The following HEMK2 variants were observed in gnomAD, a reference collection of about 807,000 sequenced individuals.
The protein encoded by HEMK2 is methyltransferase HEMK2.
At chr21:28,735,768 C>T in the HEMK2 span, among the ~76,000 whole-genome samples, 2 of 152,170 alleles carry the variant, frequency 1.3e-5, no homozygotes, top group South Asian at 2.1e-4. Context: ...GATAACCTCC[C>T]TATCTTATGC....
chr21:28,865,798 C>G, the HEMK2 span, among the ~76,000 whole-genome samples: 55 of 57,040 alleles, frequency 9.6e-4, 1 homozygote, highest in South Asian at 0.053. Flanking sequence ...ATTATCAATT[C>G]TAGGATGTAT....
At chr21:28,601,194 C>T in the HEMK2 span, among the ~76,000 whole-genome samples, 1 of 152,202 alleles carries the variant, frequency 6.6e-6, no homozygotes. Flanking sequence ...AAGAGGGATC[C>T]TGGTAAAACA....
chr21:28,587,128 T>C, the HEMK2 span, among the ~76,000 whole-genome samples: 1 of 149,928 alleles, frequency 6.7e-6, no homozygotes, highest in African/African-American at 2.4e-5. Context: ...TCCTATTTTA[T>C]AGTAACACAT....
At chr21:28,846,019 C>T in the HEMK2 span, among the ~76,000 whole-genome samples, 1 of 152,150 alleles carries the variant, frequency 6.6e-6, no homozygotes, top group Non-Finnish European at 1.5e-5. Flanking sequence ...CAGTGTTTAG[C>T]TCCCACTTAT....
the HEMK2 span, among the ~76,000 whole-genome samples, chr21:28,583,075 A>T: frequency 1.3e-5 from 2 of 152,246 alleles, no homozygotes; most frequent in South Asian, 4.1e-4. Flanking sequence ...GACTGAGTCA[A>T]AAGCTATTTC....
At chr21:28,839,004 T>C in the HEMK2 span, among the ~76,000 whole-genome samples, 3 of 72,920 alleles carry the variant, frequency 4.1e-5, no homozygotes, top group Admixed American at 4.7e-4. Context: ...TATATATACA[T>C]ATATATACAC....
chr21:28,816,579 G>A, the HEMK2 span, among the ~76,000 whole-genome samples: 1 of 152,162 alleles, frequency 6.6e-6, no homozygotes, highest in Admixed American at 6.5e-5. Flanking sequence ...TGCTTGGGAG[G>A]CTGAGACAGT....
the HEMK2 span, among the ~76,000 whole-genome samples, chr21:28,831,702 G>GGAAA: frequency 2.1e-5 from 2 of 94,102 alleles, no homozygotes; most frequent in Admixed American, 2.3e-4. Context: ...AAGGAAGGAA[G>GGAAA]GAAGGAAGGA....
At chr21:28,839,814 T>C in the HEMK2 span, among the ~76,000 whole-genome samples, 1 of 152,120 alleles carries the variant, frequency 6.6e-6, no homozygotes, top group Non-Finnish European at 1.5e-5. Flanking sequence ...ACAAATTCAA[T>C]GCAATCCCCA....
chr21:28,747,793 CT>C, the HEMK2 span, among the ~76,000 whole-genome samples: 51 of 152,350 alleles, frequency 3.3e-4, 2 homozygotes, highest in South Asian at 0.01. Flanking sequence ...CAACAAGGTG[CT>C]TTCAGAAGCA....
At chr21:28,666,471 G>A in the HEMK2 span, among the ~76,000 whole-genome samples, 1 of 152,114 alleles carries the variant, frequency 6.6e-6, no homozygotes, top group Admixed American at 6.5e-5. Context: ...TACACTTCTG[G>A]CAATGTGGTC....
At chr21:28,719,491 TCCTTTG>T in the HEMK2 span, among the ~76,000 whole-genome samples, 1 of 152,232 alleles carries the variant, frequency 6.6e-6, no homozygotes. Context: ...CCTTTGCTTT[TCCTTTG>T]CCTTTGCCAT....
chr21:28,807,764 C>G, the HEMK2 span, among the ~76,000 whole-genome samples: 99 of 152,296 alleles, frequency 6.5e-4, no homozygotes, highest in South Asian at 2.9e-3. Flanking sequence ...CATACCACAG[C>G]ATCTGCTATA....
At chr21:28,725,703 C>G in the HEMK2 span, among the ~76,000 whole-genome samples, 3,543 of 152,304 alleles carry the variant, frequency 0.023, 141 homozygotes, top group African/African-American at 0.082. Flanking sequence ...TTCTCAATCT[C>G]ATTTCAAGTC....
the HEMK2 span, among the ~76,000 whole-genome samples, chr21:28,805,944 T>C: frequency 4.4e-4 from 67 of 152,314 alleles, no homozygotes; most frequent in African/African-American, 1.6e-3. Context: ...AGCCAGTACA[T>C]AGTGTTTCCG....
the HEMK2 span, among the ~76,000 whole-genome samples, chr21:28,781,737 T>C: frequency 4.7e-4 from 72 of 152,322 alleles, no homozygotes; most frequent in African/African-American, 1.7e-3. Flanking sequence ...AGAGTTTATA[T>C]TGGGAGTCAT....
At chr21:28,765,669 G>A in the HEMK2 span, among the ~76,000 whole-genome samples, 2 of 151,928 alleles carry the variant, frequency 1.3e-5, no homozygotes, top group Non-Finnish European at 2.9e-5. Context: ...TGATAAGAGA[G>A]ACCCTGGTAA....
At chr21:28,705,080 T>C in the HEMK2 span, among the ~76,000 whole-genome samples, 2 of 152,174 alleles carry the variant, frequency 1.3e-5, no homozygotes, top group African/African-American at 4.8e-5. Flanking sequence ...GTGAAAGAAA[T>C]AGAAACTGCA....
the HEMK2 span, among the ~76,000 whole-genome samples, chr21:28,876,995 G>A: frequency 1.4e-5 from 1 of 70,784 alleles, no homozygotes; most frequent in Admixed American, 1.6e-4. Context: ...GAGGGAGGGA[G>A]GGAGGGAGGG....
Sources: allele counts gnomAD v4.1 joint callset (sites outside exome capture counted in the v4.1 genomes callset), GRCh38; gene constraint gnomAD v4.1.1; transcripts MANE v1.5; gene names NCBI Gene and HGNC (gene_info 2026-07-23, HGNC 2026-07-21).